Variants in APP observed in about 807,000 individuals in gnomAD.
APP encodes amyloid-beta precursor protein.
In APP, 31 loss-of-function variants were observed where a neutral mutation model predicts 101.4. The ratio of observed to expected loss-of-function variants is 0.31; its 90% CI spans 0.23 to 0.41. The LOEUF (loss-of-function observed/expected upper bound fraction) is 0.41, where lower values mean the gene tolerates loss of function less well. APP is among the 10% of genes least tolerant of loss of function. The pLI is 1.00. For missense variants in APP, 839 were observed against 1,003.7 expected (o/e 0.84, Z 2.22); for synonymous variants, 366 against 364.4 (o/e 1.00, Z -0.05).
chr21:26,094,837 T>C (rs1601444388), intron 2 of APP, among the ~76,000 whole-genome samples: 1 of 151,788 alleles, frequency 6.6e-6, no homozygotes, highest in South Asian at 2.1e-4. Context: ...TATTTTTCTA[T>C]TTATTTAATT....
At chr21:26,064,822 A>T (rs2046398313) in intron 3 of APP, among the ~76,000 whole-genome samples, 1 of 151,858 alleles carries the variant, frequency 6.6e-6, no homozygotes, top group Non-Finnish European at 1.5e-5. Flanking sequence ...CCACTCCTGG[A>T]TTTCTTTGTT....
At chr21:26,045,141 T>C (rs2045553829) in intron 5 of APP, among the ~76,000 whole-genome samples, 2 of 152,222 alleles carry the variant, frequency 1.3e-5, no homozygotes, top group Non-Finnish European at 1.5e-5. Flanking sequence ...ATCATTTTAA[T>C]AGCTGTTTAC....
chr21:26,028,686 A>G (rs2044689762), intron 5 of APP, among the ~76,000 whole-genome samples: 1 of 152,202 alleles, frequency 6.6e-6, no homozygotes, highest in Admixed American at 6.5e-5. Flanking sequence ...GAATCATTCC[A>G]TTAAGTACCT....
At chr21:25,883,774 G>A (rs1217768542) in intron 17 of APP, among the ~76,000 whole-genome samples, 11 of 152,234 alleles carry the variant, frequency 7.2e-5, no homozygotes, top group Non-Finnish European at 1.6e-4. Context: ...ACTTCATGAA[G>A]TGATTGACTC....
At chr21:26,075,957 G>C (rs145257530) in intron 3 of APP, among the ~76,000 whole-genome samples, 1 of 152,050 alleles carries the variant, frequency 6.6e-6, no homozygotes, top group Admixed American at 6.6e-5. Context: ...GCAGTGGCGC[G>C]ATCTCGGCTC....
intron 1 of APP, among the ~76,000 whole-genome samples, chr21:26,139,713 T>C (rs2062998792): frequency 6.6e-6 from 1 of 152,136 alleles, no homozygotes; most frequent in African/African-American, 2.4e-5. Flanking sequence ...GCCAACATGA[T>C]GAAACCTCGT....
chr21:25,880,767 T>C lies in APP; in HGVS notation c.*903A>G, dbSNP rs2036935006. On this transcript the variant is annotated 3_prime_UTR_variant, in exon 18 of 18. Transcript: ENST00000346798. ...ACCCAAAATTACTTCGATTATTTAA[T>C]GTCTGTAGTCATCCTTCAAAGAAAA... The C allele has an allele frequency of 6.6e-6, 1 of 152,318 alleles. No individual in the cohort carries two copies. The highest frequency in any genetic ancestry group is 2.4e-5 in the African/African-American group (1 of 41,460). The allele number at this position is 152,318 out of a possible 1,614,324, so 9.4% of individuals were successfully genotyped here. A position where few individuals can be genotyped will look rare whatever the true frequency, so the allele number is the denominator to read the frequency against.
intron 8 of APP, among the ~76,000 whole-genome samples, chr21:25,985,995 G>T (rs2042622065): frequency 6.6e-6 from 1 of 152,196 alleles, no homozygotes; most frequent in African/African-American, 2.4e-5. Context: ...GATCCCGGAA[G>T]GAGAGAGCAA....
chr21:26,092,093 T>C (rs1345198699), intron 2 of APP, among the ~76,000 whole-genome samples: 1 of 152,232 alleles, frequency 6.6e-6, no homozygotes, highest in African/African-American at 2.4e-5. Context: ...CATGGCTTGA[T>C]GTCAATTGAG....
chr21:26,000,901 T>C (rs138912578), intron 6 of APP, among the ~76,000 whole-genome samples: 18 of 151,506 alleles, frequency 1.2e-4, no homozygotes, highest in African/African-American at 4.4e-4. Context: ...ATGCATGAAG[T>C]ACATCTATAA....
chr21:26,118,761 C>T (rs1051619601), intron 1 of APP, among the ~76,000 whole-genome samples: 19 of 151,934 alleles, frequency 1.3e-4, no homozygotes, highest in African/African-American at 4.3e-4. Flanking sequence ...GCCATGTTGC[C>T]ACTCCTGACC....
chr21:26,087,813 C>T (rs375864418), intron 3 of APP, among the ~76,000 whole-genome samples: 9 of 152,170 alleles, frequency 5.9e-5, no homozygotes, highest in East Asian at 5.8e-4. Context: ...TTTAAAACCA[C>T]ATTACTTAGG....
At chr21:25,909,314 T>C (rs1239681790) in intron 14 of APP, among the ~76,000 whole-genome samples, 1 of 151,954 alleles carries the variant, frequency 6.6e-6, no homozygotes, top group Admixed American at 6.6e-5. Flanking sequence ...TTTTAAATTG[T>C]TTGCTATAAT....
intron 14 of APP, among the ~76,000 whole-genome samples, chr21:25,911,342 C>A (rs184909708): frequency 6.6e-6 from 1 of 152,208 alleles, no homozygotes; most frequent in South Asian, 2.1e-4. Flanking sequence ...GGCTCCCCTT[C>A]GTCCGGGAGT....
intron 13 of APP, among the ~76,000 whole-genome samples, chr21:25,924,378 A>AT (rs1391763620): frequency 3.1e-4 from 5 of 16,212 alleles, no homozygotes; most frequent in Non-Finnish European, 4.6e-4. Context: ...TTAAAGTATA[A>AT]TAAAAAAAAA....
intron 5 of APP, among the ~76,000 whole-genome samples, chr21:26,043,591 G>A (rs2045472455): frequency 1.3e-5 from 2 of 152,200 alleles, no homozygotes; most frequent in South Asian, 2.1e-4. Context: ...AAGTTAACAT[G>A]ATGACGTAGG....
At chr21:26,120,231 G>A (rs2062535731) in intron 1 of APP, among the ~76,000 whole-genome samples, 1 of 152,166 alleles carries the variant, frequency 6.6e-6, no homozygotes, top group East Asian at 1.9e-4. Flanking sequence ...CTAAGTGATA[G>A]AATCAAGGCA....
chr21:26,002,289 C>A (rs7278838), intron 6 of APP, among the ~76,000 whole-genome samples: 52,945 of 115,088 alleles, frequency 0.46, 10,454 homozygotes, highest in African/African-American at 0.59. Context: ...TGATGGTAGC[C>A]ACCTCTGGTT....
chr21:26,163,613 G>A (rs9982587), intron 1 of APP, among the ~76,000 whole-genome samples: 2,993 of 152,222 alleles, frequency 0.02, 114 homozygotes, highest in African/African-American at 0.068. Flanking sequence ...TATGGCTTCT[G>A]TCATTACACA....
Sources: gnomAD v4.1 joint callset for allele counts (sites outside exome capture counted in the v4.1 genomes callset) on GRCh38, gnomAD v4.1.1 for gene constraint, MANE v1.5 for transcripts, NCBI Gene and HGNC (gene_info 2026-07-23, HGNC 2026-07-21) for gene names.